EYS: variants seen among roughly 807,000 people sequenced by gnomAD.
EYS encodes the protein protein eyes shut homolog.
EYS carries 250 observed loss-of-function variants against 282.1 expected under a neutral mutation model. That is an observed-to-expected ratio of 0.89 (90% CI 0.80 to 0.98). EYS has a LOEUF of 0.98. EYS is among the 50% of genes least tolerant of loss of function. The pLI, the probability that EYS is intolerant of heterozygous loss-of-function variation, is 0.00. For missense variants in EYS, 4,016 were observed against 3,709.0 expected (o/e 1.08, Z -2.15); for synonymous variants, 1,355 against 1,282.9 (o/e 1.06, Z -1.20).
At chr6:64,158,332 A>G (rs1380230895) in intron 31 of EYS, among the ~76,000 whole-genome samples, 1 of 152,116 alleles carries the variant, frequency 6.6e-6, no homozygotes, top group African/African-American at 2.4e-5. Context: ...TGATAATGGA[A>G]TGTAACTTCT....
At chr6:64,686,912 C>T (rs1299388333) in intron 22 of EYS, among the ~76,000 whole-genome samples, 1 of 91,854 alleles carries the variant, frequency 1.1e-5, no homozygotes, top group African/African-American at 3.8e-5. Context: ...TATATATATA[C>T]ACACATATAT....
Position 65,089,368 on chromosome 6 carries a change from C to T in EYS, c.2024-31641G>A, listed in dbSNP as rs116605335. ...CAAGGCTGTGGGAGCCCACCTCTTG[C>T]ATCAGCATGACCTAGATGTAAGACA... On this transcript the variant is annotated intron_variant, in intron 12 of 42. Coordinates refer to ENST00000503581, the MANE Select transcript of EYS (RefSeq NM_001142800.2). Among the ~76,000 whole-genome samples, 290 of 152,320 alleles carry T rather than the reference C, an allele frequency of 1.9e-3. 2 individuals are homozygous for T. Among genetic ancestry groups the T allele is most frequent in the Non-Finnish European group, 3.2e-3 (220 of 68,028 alleles).
intron 12 of EYS, among the ~76,000 whole-genome samples, chr6:65,282,889 A>G (rs1295341998): frequency 6.6e-6 from 1 of 151,932 alleles, no homozygotes; most frequent in East Asian, 1.9e-4. Flanking sequence ...CAGTCTGCAG[A>G]GTTTCTTAAA....
chr6:64,794,230 T>C (rs1349663876), intron 22 of EYS, among the ~76,000 whole-genome samples: 1 of 152,226 alleles, frequency 6.6e-6, no homozygotes, highest in Non-Finnish European at 1.5e-5. Context: ...AAGAGAATTT[T>C]TTTACCTTCA....
chr6:64,659,970 C>T (rs575131308), intron 22 of EYS, among the ~76,000 whole-genome samples: 73 of 152,188 alleles, frequency 4.8e-4, no homozygotes, highest in Middle Eastern at 6.8e-3. Flanking sequence ...TGATGAATAT[C>T]GAGGCAAAAA....
chr6:64,307,014 G>A lies in EYS; in HGVS notation c.6147C>T (p.Phe2049=). The A allele has an allele frequency of 6.5e-7, 1 of 1,545,802 alleles. No individual in the cohort carries two copies. The highest frequency in any genetic ancestry group is 2.0e-5 in the Admixed American group (1 of 50,856). Residue 2049 remains phenylalanine, a synonymous_variant, in exon 30 of 43, where the codon TTC becomes TTT. Transcript: ENST00000503581. ...EVIEINNWRS[F]IPSKAVKNYH... ...AGTTTTTCACTGCCTTGGATGGAAT[G>A]AAAGATCTCCAGTTATTTATTTCTA...
chr6:64,210,491 A>AT (rs1765730718), intron 31 of EYS, among the ~76,000 whole-genome samples: 1 of 152,192 alleles, frequency 6.6e-6, no homozygotes, highest in Non-Finnish European at 1.5e-5. Context: ...GTCAGATTGA[A>AT]TTAAGGCCCA....
chr6:63,745,226 C>T (rs1358949173), intron 41 of EYS, among the ~76,000 whole-genome samples: 1 of 152,112 alleles, frequency 6.6e-6, no homozygotes, highest in East Asian at 1.9e-4. Flanking sequence ...GGAGGCTTTC[C>T]ACCAAAAAAC....
chr6:64,026,214 A>C (rs59019292), intron 33 of EYS, among the ~76,000 whole-genome samples: 5 of 151,010 alleles, frequency 3.3e-5, no homozygotes, highest in Non-Finnish European at 5.9e-5. Flanking sequence ...AGGGACTGTT[A>C]TGGGTTCTTG....
chr6:65,570,215 C>T (rs1033069410), intron 2 of EYS, among the ~76,000 whole-genome samples: 2 of 152,158 alleles, frequency 1.3e-5, no homozygotes, highest in East Asian at 1.9e-4. Context: ...CCAGTATACT[C>T]GAGATTACTG....
chr6:64,984,314 C>T (rs894308250), intron 14 of EYS, among the ~76,000 whole-genome samples: 16 of 151,266 alleles, frequency 1.1e-4, no homozygotes, highest in African/African-American at 3.9e-4. Flanking sequence ...AGAGAGGTTA[C>T]CAAACTATCA....
At chr6:65,057,427 G>T (rs1773449795) in intron 13 of EYS, among the ~76,000 whole-genome samples, 187 bp downstream of exon 13, 1 of 152,202 alleles carries the variant, frequency 6.6e-6, no homozygotes, top group South Asian at 2.1e-4. Flanking sequence ...TAGTGTGTAT[G>T]TAAACAAAAC....
intron 13 of EYS, among the ~76,000 whole-genome samples, chr6:65,000,648 C>T (rs1771432824): frequency 6.6e-6 from 1 of 152,098 alleles, no homozygotes; most frequent in Non-Finnish European, 1.5e-5. Flanking sequence ...CTTGGTGGCA[C>T]ATGCCTGTAG....
At chr6:64,850,755 A>G (rs1332622200) in intron 19 of EYS, among the ~76,000 whole-genome samples, 1 of 152,116 alleles carries the variant, frequency 6.6e-6, no homozygotes, top group Non-Finnish European at 1.5e-5. Flanking sequence ...TATTCTATTT[A>G]CTATGCAGAT....
intron 30 of EYS, among the ~76,000 whole-genome samples, chr6:64,273,794 C>T (rs930760240): frequency 3.3e-5 from 5 of 152,174 alleles, no homozygotes; most frequent in Non-Finnish European, 7.3e-5. Context: ...TTTGAGAAGT[C>T]CCTTTTCCTC....
At chr6:63,916,805 G>A (rs1455250674) in intron 35 of EYS, among the ~76,000 whole-genome samples, 1 of 152,182 alleles carries the variant, frequency 6.6e-6, no homozygotes, top group Non-Finnish European at 1.5e-5. Flanking sequence ...CCATCTTTGT[G>A]CATGACTAAA....
At chr6:64,952,632 C>A (rs1352615819) in intron 14 of EYS, among the ~76,000 whole-genome samples, 1 of 151,958 alleles carries the variant, frequency 6.6e-6, no homozygotes, top group African/African-American at 2.4e-5. Context: ...TTTTATCCAC[C>A]TGCAAATGTC....
rs78846834 is a variant in EYS at position 65,474,461 on chromosome 6, G to A, written c.862+16133C>T. 1.6e-4 allele frequency among the ~76,000 whole-genome samples: 24 copies of A among 152,160 alleles called. No homozygotes were observed. The East Asian group carries it at 4.4e-3, about 28-fold the overall frequency. On this transcript the variant is annotated intron_variant, in intron 5 of 42. Transcript: ENST00000503581. Reference sequence around the variant, plus strand: ...ATCCTCAGCAAATATAATATACAGAGAATGACAATGTATGATTTCTGAAGA... The same window carrying A: ...ATCCTCAGCAAATATAATATACAGAAAATGACAATGTATGATTTCTGAAGA...
intron 9 of EYS, among the ~76,000 whole-genome samples, chr6:65,350,632 T>C (rs1450498872): frequency 2.0e-5 from 3 of 151,698 alleles, no homozygotes; most frequent in Non-Finnish European, 4.4e-5. Flanking sequence ...TTAAGCATGA[T>C]TCATATTGTC....
Sources: gnomAD v4.1 joint callset for allele counts (sites outside exome capture counted in the v4.1 genomes callset) on GRCh38, gnomAD v4.1.1 for gene constraint, MANE v1.5 for transcripts, NCBI Gene and HGNC (gene_info 2026-07-23, HGNC 2026-07-21) for gene names.